The following DRC7 variants were observed in gnomAD, a reference collection of about 807,000 sequenced individuals.
DRC7 encodes dynein regulatory complex subunit 7.
Under a neutral mutation model 104.4 loss-of-function variants are expected in DRC7, and 80 were observed. The ratio of observed to expected loss-of-function variants is 0.77; its 90% CI spans 0.64 to 0.92. The LOEUF is 0.92. DRC7 is among the 40% of genes least tolerant of loss of function. DRC7 has a pLI of 0.00. For synonymous variants in DRC7, 405 were observed against 447.3 expected (o/e 0.91, Z 1.19); for missense variants, 1,034 against 1,141.1 (o/e 0.91, Z 1.35).
intron 6 of DRC7, among the ~76,000 whole-genome samples, chr16:57,704,032 C>T (rs1320945991): frequency 6.7e-6 from 1 of 150,148 alleles, no homozygotes. Context: ...CTCAGCTCAG[C>T]CAAAAGCTTA....
At chr16:57,705,514 A>T (rs2048704191) in intron 7 of DRC7, among the ~76,000 whole-genome samples, 1 of 131,730 alleles carries the variant, frequency 7.6e-6, no homozygotes, top group African/African-American at 3.0e-5. Context: ...CCAACCTTCC[A>T]TCCATCCATC....
intron 8 of DRC7, among the ~76,000 whole-genome samples, chr16:57,716,620 C>T (rs2048846718): frequency 6.6e-6 from 1 of 152,126 alleles, no homozygotes; most frequent in Non-Finnish European, 1.5e-5. Context: ...CTCTCCCCAA[C>T]TCTCCTCTGC....
intron 12 of DRC7, 53 bp from the exon 13 acceptor site, chr16:57,724,562 T>C (rs2048941397): frequency 7.3e-7 from 1 of 1,366,896 alleles, no homozygotes; most frequent in South Asian, 1.3e-5. Context: ...CCAGCAGCCA[T>C]ACTTCCTAGT....
intron 3 of DRC7, 75 bp downstream of exon 3, chr16:57,698,227 G>T: frequency 6.3e-7 from 1 of 1,599,368 alleles, no homozygotes; most frequent in Non-Finnish European, 8.5e-7. Flanking sequence ...CAGAGTGCTG[G>T]TGCCTGGTCT....
intron 7 of DRC7, among the ~76,000 whole-genome samples, chr16:57,705,360 T>C (rs1264459515): frequency 1.3e-5 from 2 of 150,822 alleles, no homozygotes; most frequent in Non-Finnish European, 3.0e-5. Context: ...CTCCCATCTC[T>C]CCTCCCATCC....
chr16:57,698,066 G>A lies in DRC7; in HGVS notation c.117G>A (p.Lys39=), dbSNP rs148801013. ...EKMMRPVEVR[K]EEITLKQETL... is the part of the protein sequence containing the mutation. The stretch of plus-strand genomic sequence containing the variant: ...TGATGAGGCCAGTTGAGGTGCGGAA[G>A]GAGGAAATCACCTTAAAGCAGGAGA... The change falls in exon 3 of 19, where the codon AAG becomes AAA. Residue 39 remains lysine (K), a synonymous_variant. Coordinates refer to ENST00000360716, the MANE Select transcript of DRC7 (RefSeq NM_001289162.2). 1.9e-6 allele frequency: 3 copies of A among 1,614,178 alleles called. No homozygotes were observed. Among genetic ancestry groups the A allele is most frequent in the Non-Finnish European group, 2.5e-6 (3 of 1,180,034 alleles).
intron 7 of DRC7, among the ~76,000 whole-genome samples, chr16:57,706,368 C>G (rs1003576204): frequency 6.8e-6 from 1 of 146,854 alleles, no homozygotes. Context: ...TCTGTCCATC[C>G]TCCCATCCAT....
Position 57,698,801 on chromosome 16 carries a change from C to T in DRC7, c.204-49C>T, listed in dbSNP as rs188969493. 3.8e-6 allele frequency: 6 copies of T among 1,585,306 alleles called. No homozygotes were observed. The Admixed American group carries it at 1.0e-4, about 27-fold the overall frequency. On this transcript the variant is annotated intron_variant, in intron 3 of 18. Coordinates refer to ENST00000360716, the MANE Select transcript of DRC7 (RefSeq NM_001289162.2). ...ATGGCAACTCAGTGGAACCAGGGCTCCTGTGTGCCAGGCATGGCTTCCCTA... is the reference window on the plus strand; with the variant it reads ...ATGGCAACTCAGTGGAACCAGGGCTTCTGTGTGCCAGGCATGGCTTCCCTA...
intron 17 of DRC7, among the ~76,000 whole-genome samples, chr16:57,729,942 G>C: frequency 8.9e-6 from 1 of 112,926 alleles, no homozygotes; most frequent in East Asian, 2.8e-4. Flanking sequence ...GGGTGGATGG[G>C]TGGGTGGGTG....
At chr16:57,718,317 C>T in intron 8 of DRC7, 30 bp from the exon 9 acceptor site, 8 of 1,610,300 alleles carry the variant, frequency 5.0e-6, no homozygotes, top group Non-Finnish European at 5.9e-6. Flanking sequence ...CTGTGGGGTA[C>T]ACTCAGTTGA....
rs753366478 is a variant in DRC7 at position 57,724,848 on chromosome 16, G to A, written c.1758+13G>A. 6.2e-5 allele frequency: 99 copies of A among 1,602,178 alleles called. 1 individual carries two copies. Among genetic ancestry groups the A allele is most frequent in the East Asian group, 4.1e-4 (18 of 44,292 alleles). On this transcript the variant is annotated intron_variant, in intron 13 of 18. Transcript: ENST00000360716. ...CCGGCCCATTGTGGTAAGAGCTCGC[G>A]GGGGCTGGGGACAGGTCGCCCTCCT...
intron 12 of DRC7, among the ~76,000 whole-genome samples, chr16:57,724,266 C>T (rs555707714): frequency 7.0e-6 from 1 of 143,368 alleles, no homozygotes; most frequent in East Asian, 2.1e-4. Flanking sequence ...GCTGAGATCA[C>T]ACCACTGCAC....
In DRC7 at chr16:57,723,557, A is replaced by G. The variant is rs553339547; in HGVS notation, c.1537+427A>G. On this transcript the variant is annotated intron_variant, in intron 12 of 18. Coordinates refer to ENST00000360716, the MANE Select transcript of DRC7 (RefSeq NM_001289162.2). ...AGCCTGGGCTATATGGTGAAACCCC[A>G]TCTCTACAAAAAATATAAAAATTAG... is the stretch of plus-strand genomic sequence containing the variant. Among the ~76,000 whole-genome samples the G allele has an allele frequency of 2.6e-3, 394 of 152,130 alleles. 1 individual carries two copies. Among genetic ancestry groups the G allele is most frequent in the Non-Finnish European group, 4.2e-3 (285 of 67,968 alleles).
intron 8 of DRC7, among the ~76,000 whole-genome samples, chr16:57,709,663 A>G (rs1356646153): frequency 6.6e-6 from 1 of 152,242 alleles, no homozygotes; most frequent in Admixed American, 6.5e-5. Flanking sequence ...GGTGTAATTG[A>G]CATAACATAA....
At chr16:57,708,429 T>C (rs1309286351) in intron 8 of DRC7, among the ~76,000 whole-genome samples, 1 of 152,268 alleles carries the variant, frequency 6.6e-6, no homozygotes, top group Non-Finnish European at 1.5e-5. Flanking sequence ...TGTGGTTTTT[T>C]GTGTGGTTTG....
rs115434473 is a variant in DRC7 at position 57,700,167 on chromosome 16, G to A, written c.401G>A (p.Arg134Gln). 36 of 1,613,096 alleles carry A rather than the reference G, an allele frequency of 2.2e-5. No individual in the cohort carries two copies. Among genetic ancestry groups the A allele is most frequent in the South Asian group, 2.0e-4 (18 of 91,050 alleles). ...CAGAAGTTCGTGAGCACAACCCTCCGGCCCACACTGATGCCCTACCCCGAG... is the reference window on the plus strand; with the variant it reads ...CAGAAGTTCGTGAGCACAACCCTCCAGCCCACACTGATGCCCTACCCCGAG... ...EVPKFVSTTL[R>Q]PTLMPYPELY... The change falls in exon 5 of 19, where the codon CGG becomes CAG. Residue 134 changes from arginine (R) to glutamine (Q), a missense_variant. Arg to Gln is a conservative substitution (Grantham distance 43, BLOSUM62 1). Transcript: ENST00000360716.
intron 10 of DRC7, 152 bp from the exon 11 acceptor site, chr16:57,722,561 T>A: frequency 9.8e-7 from 1 of 1,024,476 alleles, no homozygotes; most frequent in South Asian, 1.6e-5. Flanking sequence ...CCACCCCTGG[T>A]GATTATTCTC....
At chr16:57,730,868 C>T in intron 17 of DRC7, 63 bp from the exon 18 acceptor site, 1 of 1,572,712 alleles carries the variant, frequency 6.4e-7, no homozygotes, top group South Asian at 1.2e-5. Flanking sequence ...GGGATTGCAG[C>T]CTGCAGCCTG....
At chr16:57,721,479 G>A (rs189847072) in intron 9 of DRC7, among the ~76,000 whole-genome samples, 188 bp from the exon 10 acceptor site, 2 of 152,190 alleles carry the variant, frequency 1.3e-5, no homozygotes, top group Non-Finnish European at 2.9e-5. Context: ...GTATAGGGAA[G>A]GGCTCCCTGC....
Sources: allele counts gnomAD v4.1 joint callset (sites outside exome capture counted in the v4.1 genomes callset), GRCh38; gene constraint gnomAD v4.1.1; transcripts MANE v1.5; gene names NCBI Gene and HGNC (gene_info 2026-07-23, HGNC 2026-07-21).